The following WHRN variants were observed in gnomAD, a reference collection of about 807,000 sequenced individuals.
WHRN encodes the protein CASK-interacting protein CIP98.
Under a neutral mutation model 68.3 loss-of-function variants are expected in WHRN, and 41 were observed. That is an observed-to-expected ratio of 0.60 (90% CI 0.47 to 0.78). The LOEUF is 0.78. Among genes scored for constraint, WHRN ranks in the 30% least tolerant of loss-of-function variants. The pLI, the probability that WHRN is intolerant of heterozygous loss-of-function variation, is 0.00. For synonymous variants in WHRN, 560 were observed against 561.3 expected (o/e 1.00, Z 0.03); for missense variants, 1,243 against 1,244.7 (o/e 1.00, Z 0.02).
At chr9:114,455,437 C>G (rs1158625430) in intron 3 of WHRN, among the ~76,000 whole-genome samples, 1 of 152,092 alleles carries the variant, frequency 6.6e-6, no homozygotes, top group African/African-American at 2.4e-5. Context: ...AAGATATTTT[C>G]CAGCCAGGCA....
At chr9:114,473,967 C>G (rs1841449654) in intron 2 of WHRN, among the ~76,000 whole-genome samples, 1 of 152,122 alleles carries the variant, frequency 6.6e-6, no homozygotes, top group Admixed American at 6.5e-5. Context: ...TTATTCCCTC[C>G]ACCCCAAAGA....
intron 6 of WHRN, among the ~76,000 whole-genome samples, chr9:114,423,773 G>A (rs1239397349): frequency 1.3e-5 from 2 of 152,180 alleles, no homozygotes; most frequent in African/African-American, 4.8e-5. Context: ...TGGACACACT[G>A]CAACATTTCA....
At chr9:114,451,240 C>G (rs1018973998) in intron 3 of WHRN, among the ~76,000 whole-genome samples, 3 of 152,214 alleles carry the variant, frequency 2.0e-5, no homozygotes, top group Admixed American at 6.5e-5. Flanking sequence ...CTCAGCTGTC[C>G]CTGTTGGCAT....
intron 7 of WHRN, among the ~76,000 whole-genome samples, chr9:114,411,337 TCAGCA>T (rs755392194): frequency 9.2e-5 from 14 of 152,274 alleles, no homozygotes; most frequent in Non-Finnish European, 1.9e-4. Flanking sequence ...AGTCCTGGTG[TCAGCA>T]GGAGGCACAG....
intron 1 of WHRN, among the ~76,000 whole-genome samples, chr9:114,501,707 C>T (rs1371837259): frequency 6.6e-6 from 1 of 151,956 alleles, no homozygotes; most frequent in Admixed American, 6.6e-5. Flanking sequence ...ATGTGGTATC[C>T]TAGAATAAAA....
chr9:114,451,558 C>T (rs908430788), intron 3 of WHRN, among the ~76,000 whole-genome samples: 3 of 151,294 alleles, frequency 2.0e-5, no homozygotes, highest in Non-Finnish European at 4.4e-5. Context: ...TGCGCATGAA[C>T]GCACACACCA....
chr9:114,484,863 CA>C (rs1191688122), intron 1 of WHRN, among the ~76,000 whole-genome samples: 1 of 152,208 alleles, frequency 6.6e-6, no homozygotes, highest in Non-Finnish European at 1.5e-5. Context: ...TCTGAAACCC[CA>C]AAATCATAGA....
At chr9:114,478,451 G>T in intron 2 of WHRN, 102 bp downstream of exon 2, 1 of 1,297,572 alleles carries the variant, frequency 7.7e-7, no homozygotes, top group Non-Finnish European at 1.1e-6. Flanking sequence ...AGCCTGGACA[G>T]AACCAGCCTC....
intron 3 of WHRN, among the ~76,000 whole-genome samples, chr9:114,447,601 T>TG (rs1321565965): frequency 6.6e-6 from 1 of 152,192 alleles, no homozygotes; most frequent in Non-Finnish European, 1.5e-5. Context: ...AGACCCCATG[T>TG]GTTGTCCATG....
At chr9:114,450,053 G>A (rs1035527480) in intron 3 of WHRN, among the ~76,000 whole-genome samples, 5 of 152,046 alleles carry the variant, frequency 3.3e-5, no homozygotes, top group Admixed American at 1.3e-4. Context: ...TTGTGGACCC[G>A]CCCAGGAGTG....
intron 3 of WHRN, among the ~76,000 whole-genome samples, chr9:114,439,577 C>T (rs553429299): frequency 2.7e-4 from 41 of 152,208 alleles, no homozygotes; most frequent in Admixed American, 2.3e-3. Flanking sequence ...AGTGAACTTA[C>T]GTTTTAGACA....
intron 7 of WHRN, among the ~76,000 whole-genome samples, chr9:114,418,976 C>T (rs1589092660): frequency 6.6e-6 from 1 of 152,176 alleles, no homozygotes; most frequent in Non-Finnish European, 1.5e-5. Context: ...TCAAAATGTA[C>T]ATAGCACACA....
chr9:114,477,928 T>C (rs1841785208), intron 2 of WHRN, among the ~76,000 whole-genome samples: 1 of 152,082 alleles, frequency 6.6e-6, no homozygotes, highest in Non-Finnish European at 1.5e-5. Flanking sequence ...ATTAAAGAGA[T>C]GCCTCTCTTT....
chr9:114,445,474 C>A (rs1838738882), intron 3 of WHRN, among the ~76,000 whole-genome samples: 1 of 152,162 alleles, frequency 6.6e-6, no homozygotes, highest in Non-Finnish European at 1.5e-5. Flanking sequence ...ATTTCAAGTT[C>A]TTTATTCATG....
intron 6 of WHRN, 45 bp downstream of exon 6, chr9:114,424,289 G>C (rs1183996074): frequency 6.2e-7 from 1 of 1,604,470 alleles, no homozygotes; most frequent in Non-Finnish European, 8.5e-7. Flanking sequence ...AGGATGCAGA[G>C]CCCTGGAAAT....
chr9:114,477,174 T>C (rs1841722677), intron 2 of WHRN, among the ~76,000 whole-genome samples: 1 of 152,210 alleles, frequency 6.6e-6, no homozygotes, highest in Non-Finnish European at 1.5e-5. Flanking sequence ...GTCCTGCATA[T>C]TGACGTTTCA....
Position 114,466,344 on chromosome 9 carries a change from C to G in WHRN, c.886G>C (p.Gly296Arg), listed in dbSNP as rs748878766. ...DGRSLGLTIR[G>R]GAEYGLGIYI... is the part of the protein sequence containing the mutation. ...ATGCCAAGGCCGTACTCAGCTCCCC[C>G]ACGGATCGTGAGGCCCAGGGACCGG... is the stretch of plus-strand genomic sequence containing the variant. The change falls in exon 3 of 12, where the codon GGG becomes CGG. Residue 296 changes from glycine to arginine, a missense_variant. Coordinates refer to ENST00000362057, the MANE Select transcript of WHRN (RefSeq NM_015404.4). 1 of 1,614,160 alleles carries G rather than the reference C, an allele frequency of 6.2e-7. No homozygotes were observed. The highest frequency in any genetic ancestry group is 8.5e-7 in the Non-Finnish European group (1 of 1,180,038).
chr9:114,408,078 G>T (rs1835169882), intron 7 of WHRN, 60 bp from the exon 8 acceptor site: 2 of 1,422,106 alleles, frequency 1.4e-6, no homozygotes, highest in Non-Finnish European at 1.9e-6. Flanking sequence ...ACACTGGTTT[G>T]TTCTCCAGCA....
At chr9:114,481,749 A>G (rs1842108280) in intron 1 of WHRN, among the ~76,000 whole-genome samples, 1 of 152,232 alleles carries the variant, frequency 6.6e-6, no homozygotes, top group Non-Finnish European at 1.5e-5. Context: ...CCAAACGCCT[A>G]CTGTGTGCCA....
Sources: allele counts gnomAD v4.1 joint callset (sites outside exome capture counted in the v4.1 genomes callset), GRCh38; gene constraint gnomAD v4.1.1; transcripts MANE v1.5; gene names NCBI Gene and HGNC (gene_info 2026-07-23, HGNC 2026-07-21).